Variants in FHIT observed in about 807,000 individuals in gnomAD.
FHIT encodes fragile histidine triad diadenosine triphosphatase, also known as bis(5'-adenosyl)-triphosphatase.
Under a neutral mutation model 17.9 loss-of-function variants are expected in FHIT, and 19 were observed. That is an observed-to-expected ratio of 1.06 (90% CI 0.74 to 1.56). The LOEUF is 1.56. Among genes scored for constraint, FHIT ranks in the 40% most tolerant of loss-of-function variants. FHIT has a pLI of 0.00. For missense variants in FHIT, 248 were observed against 189.2 expected (o/e 1.31, Z -1.82); for synonymous variants, 81 against 69.7 (o/e 1.16, Z -0.81).
intron 6 of FHIT, 97 bp from the exon 7 acceptor site, chr3:60,011,497 A>T: frequency 9.6e-7 from 1 of 1,041,044 alleles, no homozygotes; most frequent in Non-Finnish European, 1.5e-6. Context: ...ATGCAATTTC[A>T]TTGTGTGTTA....
intron 5 of FHIT, among the ~76,000 whole-genome samples, chr3:60,475,180 T>C (rs909462909): frequency 2.6e-5 from 4 of 152,220 alleles, no homozygotes; most frequent in Admixed American, 6.5e-5. Flanking sequence ...GGCCAGAGAC[T>C]CTTTGTTCAT....
At chr3:60,565,445 T>G (rs1179205591) in intron 4 of FHIT, among the ~76,000 whole-genome samples, 1 of 152,206 alleles carries the variant, frequency 6.6e-6, no homozygotes, top group East Asian at 1.9e-4. Context: ...TGGAGAATGC[T>G]ATAACACCTA....
rs1209653260 is a variant in FHIT, at chr3:59,752,471, A to G, written c.349-150T>C. The G allele has an allele frequency of 8.4e-6, 5 of 593,924 alleles. No homozygotes were observed. In the East Asian group the frequency reaches 1.4e-4, roughly 17 times the overall value. 36.8% of individuals were successfully genotyped at this position (593,924 alleles called of 1,614,324 possible). The stretch of plus-strand genomic sequence containing the variant: ...ATTGTTTCAGTTGCTACAACTTGCA[A>G]ATAGGCTTTATACAAGAATCCACAT... On this transcript the variant is annotated intron_variant, in intron 8 of 9. Transcript: ENST00000492590.
intron 5 of FHIT, among the ~76,000 whole-genome samples, chr3:60,309,278 A>C (rs1708827879): frequency 6.6e-6 from 1 of 151,698 alleles, no homozygotes; most frequent in Non-Finnish European, 1.5e-5. Flanking sequence ...CTGTGTAAAA[A>C]CCTTATTACA....
chr3:60,366,878 C>T, intron 5 of FHIT, among the ~76,000 whole-genome samples: 1 of 152,200 alleles, frequency 6.6e-6, no homozygotes, highest in Non-Finnish European at 1.5e-5. Flanking sequence ...AGCTGAGGCT[C>T]TGATTCCTAA....
At chr3:61,078,961 T>C (rs1448114920) in intron 2 of FHIT, among the ~76,000 whole-genome samples, 1 of 152,076 alleles carries the variant, frequency 6.6e-6, no homozygotes, top group African/African-American at 2.4e-5. Context: ...ATGTCCTTTT[T>C]CCAAAACATG....
intron 4 of FHIT, among the ~76,000 whole-genome samples, chr3:60,714,894 A>C (rs1443630855): frequency 1.3e-5 from 2 of 152,194 alleles, no homozygotes; most frequent in Non-Finnish European, 2.9e-5. Context: ...CATCCCCATC[A>C]AGCTACCAAT....
At chr3:61,117,413 C>A (rs1030716003) in intron 2 of FHIT, among the ~76,000 whole-genome samples, 2 of 152,080 alleles carry the variant, frequency 1.3e-5, no homozygotes, top group Non-Finnish European at 2.9e-5. Flanking sequence ...GCAAATGAGC[C>A]ATGAGATACG....
intron 4 of FHIT, among the ~76,000 whole-genome samples, chr3:60,557,419 CATG>C (rs2036778939): frequency 6.6e-6 from 1 of 151,954 alleles, no homozygotes; most frequent in Non-Finnish European, 1.5e-5. Context: ...AAAAAATAGA[CATG>C]ATGTCAAGAA....
At chr3:61,201,932 A>G (rs1352863119) in intron 1 of FHIT, among the ~76,000 whole-genome samples, 1 of 152,150 alleles carries the variant, frequency 6.6e-6, no homozygotes, top group Non-Finnish European at 1.5e-5. Flanking sequence ...GACTTAAAAT[A>G]CATATATGTG....
In FHIT at chr3:60,016,527, T is replaced by C. The variant is rs541924738; in HGVS notation, c.104-2375A>G. On this transcript the variant is annotated intron_variant, in intron 5 of 9. Transcript: ENST00000492590. Reference sequence around the variant, plus strand: ...CTCAGTCCAGGGTCTATGCTGGAACTTAGGATGCTAAGATGACCAGGACAG... The same window carrying C: ...CTCAGTCCAGGGTCTATGCTGGAACCTAGGATGCTAAGATGACCAGGACAG... 2.0e-5 allele frequency among the ~76,000 whole-genome samples: 3 copies of C among 152,306 alleles called. No individual in the cohort carries two copies. The South Asian group carries it at 6.2e-4, about 32-fold the overall frequency.
At chr3:60,635,875 T>C (rs2107781912) in intron 4 of FHIT, among the ~76,000 whole-genome samples, 1 of 152,280 alleles carries the variant, frequency 6.6e-6, no homozygotes, top group East Asian at 1.9e-4. Flanking sequence ...ATATAGTCTC[T>C]TGCATTTTTA....
At chr3:59,764,247 G>C (rs1701680253) in intron 8 of FHIT, among the ~76,000 whole-genome samples, 1 of 152,136 alleles carries the variant, frequency 6.6e-6, no homozygotes, top group South Asian at 2.1e-4. Flanking sequence ...TGACCTCACA[G>C]ACTTCTTTCT....
At chr3:59,825,221 T>G (rs1244513895) in intron 8 of FHIT, among the ~76,000 whole-genome samples, 1 of 152,196 alleles carries the variant, frequency 6.6e-6, no homozygotes, top group African/African-American at 2.4e-5. Flanking sequence ...TTAGTTCATA[T>G]TTCTTCTCCA....
At chr3:59,846,827 CT>C (rs1437844950) in intron 8 of FHIT, among the ~76,000 whole-genome samples, 1 of 152,078 alleles carries the variant, frequency 6.6e-6, no homozygotes, top group Non-Finnish European at 1.5e-5. Context: ...TCCTTTACTT[CT>C]TTTGCAGTAC....
chr3:60,747,882 G>A (rs1484510991), intron 4 of FHIT, among the ~76,000 whole-genome samples: 1 of 152,204 alleles, frequency 6.6e-6, no homozygotes, highest in African/African-American at 2.4e-5. Flanking sequence ...TCAAAACACT[G>A]AGAATGGAAA....
In FHIT at chr3:61,203,085, CAGG is replaced by C. The variant is rs1347159618; in HGVS notation, c.-212-2423_-212-2421del. ...GTCCCAGCTACTTGGGAGGCTGAGG[CAGG>C]AGAATGGTGTGAACCTGGGAGGCGG... On this transcript the variant is annotated intron_variant, in intron 1 of 9. Coordinates refer to ENST00000492590, the MANE Select transcript of FHIT (RefSeq NM_002012.4). Among the ~76,000 whole-genome samples the C allele has an allele frequency of 3.3e-5, 5 of 149,630 alleles. No homozygotes were observed. In the East Asian group the frequency reaches 9.9e-4, roughly 30 times the overall value.
At chr3:60,271,757 AG>A (rs1376210469) in intron 5 of FHIT, among the ~76,000 whole-genome samples, 1 of 152,178 alleles carries the variant, frequency 6.6e-6, no homozygotes, top group African/African-American at 2.4e-5. Flanking sequence ...TTATGAAGAT[AG>A]TTATTCATTT....
At chr3:60,177,292 T>C (rs1265720095) in intron 5 of FHIT, among the ~76,000 whole-genome samples, 2 of 147,394 alleles carry the variant, frequency 1.4e-5, no homozygotes, top group African/African-American at 5.0e-5. Context: ...CTAGAAGAAG[T>C]TGAACTTGAC....
Sources: allele counts gnomAD v4.1 joint callset (sites outside exome capture counted in the v4.1 genomes callset), GRCh38; gene constraint gnomAD v4.1.1; transcripts MANE v1.5; gene names NCBI Gene and HGNC (gene_info 2026-07-23, HGNC 2026-07-21).